Variants in MALRD1 observed in about 807,000 individuals in gnomAD.
MALRD1 encodes the protein MAM and LDL receptor class A domain containing 1, also known as MAM and LDL-receptor class A domain-containing protein 1.
A neutral mutation model predicts 242.1 loss-of-function variants in MALRD1; 247 were observed. That is an observed-to-expected ratio of 1.02 (90% CI 0.92 to 1.13). MALRD1 has a LOEUF of 1.13. MALRD1 is among the 50% of genes most tolerant of loss of function. The pLI is 0.00. For missense variants in MALRD1, 2,989 were observed against 2,533.1 expected (o/e 1.18, Z -3.86); for synonymous variants, 995 against 866.6 (o/e 1.15, Z -2.60).
At chr10:19,315,800 A>G (rs1426525851) in intron 21 of MALRD1, among the ~76,000 whole-genome samples, 1 of 143,472 alleles carries the variant, frequency 7.0e-6, no homozygotes, top group African/African-American at 2.5e-5. Flanking sequence ...AATTTATATA[A>G]TTTACTAGGC....
chr10:19,410,802 C>T (rs934022886), intron 28 of MALRD1, among the ~76,000 whole-genome samples: 1 of 151,644 alleles, frequency 6.6e-6, no homozygotes, highest in Non-Finnish European at 1.5e-5. Flanking sequence ...TTCCATTTAG[C>T]TTATTGGATA....
intron 30 of MALRD1, among the ~76,000 whole-genome samples, chr10:19,496,842 C>T (rs142370722): frequency 8.7e-4 from 132 of 152,068 alleles, no homozygotes; most frequent in African/African-American, 3.0e-3. Context: ...AATTGAAGGA[C>T]GTGGAAAAAT....
At chr10:19,439,020 G>C (rs1206447000) in intron 28 of MALRD1, among the ~76,000 whole-genome samples, 1 of 151,376 alleles carries the variant, frequency 6.6e-6, no homozygotes, top group Non-Finnish European at 1.5e-5. Flanking sequence ...CTAGGAGCAT[G>C]ATGAGGTCAT....
chr10:19,603,380 A>C (rs1274010245), intron 34 of MALRD1, among the ~76,000 whole-genome samples: 2 of 152,174 alleles, frequency 1.3e-5, no homozygotes, highest in South Asian at 2.1e-4. Flanking sequence ...ATAAGGTGTA[A>C]GGAAGGGATC....
At chr10:19,289,964 A>T (rs898427327) in intron 21 of MALRD1, among the ~76,000 whole-genome samples, 2 of 152,174 alleles carry the variant, frequency 1.3e-5, no homozygotes, top group Non-Finnish European at 2.9e-5. Context: ...AAGCAAGTAT[A>T]AGAGAAAAAA....
At chr10:19,350,562 C>T (rs1285997491) in intron 25 of MALRD1, among the ~76,000 whole-genome samples, 4 of 152,062 alleles carry the variant, frequency 2.6e-5, no homozygotes, top group Non-Finnish European at 5.9e-5. Context: ...CAGGTGTGAG[C>T]CACCGTGCCT....
Position 19,256,516 on chromosome 10 carries a change from G to A in MALRD1, c.2992-1168G>A, listed in dbSNP as rs1839519996. ...TGGAGAGACTCATTGTAAAACAGCG[G>A]GACACTTCCTGTATAACACCATTAA... On this transcript the variant is annotated intron_variant, in intron 18 of 39. Transcript: ENST00000454679. 2.0e-5 allele frequency among the ~76,000 whole-genome samples: 3 copies of A among 151,924 alleles called. No homozygotes were observed. In the South Asian group the frequency reaches 6.2e-4, roughly 32 times the overall value.
chr10:19,162,030 G>A lies in MALRD1; in HGVS notation c.1657-3607G>A, dbSNP rs1045908149. Among the ~76,000 whole-genome samples, 11 of 146,782 alleles carry A rather than the reference G, an allele frequency of 7.5e-5. No individual in the cohort carries two copies. The South Asian group carries it at 2.3e-3, about 31-fold the overall frequency. On this transcript the variant is annotated intron_variant, in intron 12 of 39. Transcript: ENST00000454679. The stretch of plus-strand genomic sequence containing the variant: ...GCAACAGAGTGAAACTCTGTCTCAA[G>A]AACAACAACAACAGCAACAACAACA...
intron 29 of MALRD1, among the ~76,000 whole-genome samples, chr10:19,490,507 G>T (rs12765402): frequency 2.0e-4 from 4 of 20,100 alleles, no homozygotes; most frequent in Admixed American, 7.3e-4. Flanking sequence ...CAAGTGGGGC[G>T]GGGGGGGGGC....
chr10:19,272,439 A>C (rs1840293522), intron 19 of MALRD1, among the ~76,000 whole-genome samples: 2 of 152,186 alleles, frequency 1.3e-5, no homozygotes, highest in Non-Finnish European at 2.9e-5. Flanking sequence ...GATATGAACC[A>C]TCAGTTATAA....
intron 36 of MALRD1, among the ~76,000 whole-genome samples, chr10:19,635,188 A>G (rs879538725): frequency 1.4e-4 from 21 of 152,178 alleles, no homozygotes; most frequent in Non-Finnish European, 2.1e-4. Flanking sequence ...TCATAGAAAA[A>G]CATCATAAGG....
At chr10:19,573,953 C>T (rs1564451084) in intron 33 of MALRD1, among the ~76,000 whole-genome samples, 1 of 152,070 alleles carries the variant, frequency 6.6e-6, no homozygotes. Flanking sequence ...AGAAAATAGA[C>T]CTTCGGAGAG....
intron 23 of MALRD1, among the ~76,000 whole-genome samples, chr10:19,328,662 T>TA (rs1843237338): frequency 6.6e-6 from 1 of 152,144 alleles, no homozygotes; most frequent in African/African-American, 2.4e-5. Context: ...TGAAAAGTGT[T>TA]ACAGCCAATT....
chr10:19,487,897 C>T (rs781124348), intron 29 of MALRD1, among the ~76,000 whole-genome samples: 3 of 152,042 alleles, frequency 2.0e-5, no homozygotes, highest in Non-Finnish European at 2.9e-5. Context: ...CAGGTTTTAG[C>T]TATTGTATTA....
In MALRD1 at chr10:19,539,910, GCGCGCACACA is replaced by G. The variant is rs1313300243; in HGVS notation, c.5478+8566_5478+8575del. On this transcript the variant is annotated intron_variant, in intron 32 of 39. Coordinates refer to ENST00000454679, the MANE Select transcript of MALRD1 (RefSeq NM_001142308.3). The stretch of plus-strand genomic sequence containing the variant: ...TGTGTGTGTGTGTGCGCGCGCGCGT[GCGCGCACACA>G]CGCGCAGTGATGGGGTTTTGCCATG... Among the ~76,000 whole-genome samples, 66 of 23,626 alleles carry G rather than the reference GCGCGCACACA, an allele frequency of 2.8e-3. 3 individuals are homozygous for G. Among genetic ancestry groups the G allele is most frequent in the East Asian group, 8.5e-3 (6 of 706 alleles). 15.5% of individuals were successfully genotyped at this position (23,626 alleles called of 152,430 possible). A position where few individuals can be genotyped will look rare whatever the true frequency, so the allele number is the denominator to read the frequency against.
At chr10:19,262,962 C>A (rs1446316572) in intron 19 of MALRD1, among the ~76,000 whole-genome samples, 5 of 152,004 alleles carry the variant, frequency 3.3e-5, no homozygotes, top group Non-Finnish European at 7.4e-5. Context: ...GACAGGATTT[C>A]TTGATTTTTT....
chr10:19,328,598 T>G (rs981252792), intron 23 of MALRD1, among the ~76,000 whole-genome samples: 1 of 152,138 alleles, frequency 6.6e-6, no homozygotes, highest in Non-Finnish European at 1.5e-5. Context: ...CTCTGATAGA[T>G]CAGCTCCTCT....
chr10:19,284,161 G>C (rs1840974373), intron 21 of MALRD1, among the ~76,000 whole-genome samples: 1 of 151,980 alleles, frequency 6.6e-6, no homozygotes, highest in South Asian at 2.1e-4. Context: ...GACTATTAAG[G>C]CTTTTGTCCA....
At chr10:19,071,305 T>TG (rs543591497) in intron 2 of MALRD1, among the ~76,000 whole-genome samples, 34 of 149,344 alleles carry the variant, frequency 2.3e-4, no homozygotes, top group African/African-American at 6.4e-4. Flanking sequence ...GGCACTCATT[T>TG]TTTTTTTTTC....
Sources: allele counts gnomAD v4.1 joint callset (sites outside exome capture counted in the v4.1 genomes callset), GRCh38; gene constraint gnomAD v4.1.1; transcripts MANE v1.5; gene names NCBI Gene and HGNC (gene_info 2026-07-23, HGNC 2026-07-21).